Variants in CPQ observed in about 807,000 individuals in gnomAD.
CPQ encodes the protein carboxypeptidase Q.
Under a neutral mutation model 45.7 loss-of-function variants are expected in CPQ, and 37 were observed. The ratio of observed to expected loss-of-function variants is 0.81; its 90% CI spans 0.62 to 1.07. CPQ has a LOEUF of 1.07. Ranked by LOEUF, CPQ falls within the 50% of genes least tolerant of loss-of-function variation. CPQ has a pLI of 0.00. For missense variants in CPQ, 537 were observed against 572.9 expected, an observed-to-expected ratio of 0.94 and a Z score of 0.64; for synonymous variants, 186 against 205.8, an observed-to-expected ratio of 0.90 and a Z score of 0.82.
At chr8:97,118,029 A>T (rs1811625398) in intron 7 of CPQ, among the ~76,000 whole-genome samples, 1 of 152,222 alleles carries the variant, frequency 6.6e-6, no homozygotes, top group Non-Finnish European at 1.5e-5. Context: ...AAAATTAAAT[A>T]AAAGGTCATG....
intron 1 of CPQ, among the ~76,000 whole-genome samples, chr8:96,742,295 A>C (rs563219190): frequency 7.6e-4 from 115 of 152,312 alleles, no homozygotes; most frequent in African/African-American, 2.7e-3. Context: ...CTAGGATTGC[A>C]ACCCCTGCCT....
chr8:96,891,109 T>C (rs577369468), intron 4 of CPQ, among the ~76,000 whole-genome samples: 2 of 152,348 alleles, frequency 1.3e-5, no homozygotes, highest in African/African-American at 4.8e-5. Context: ...GTGAATTCCA[T>C]GAGCATGCAC....
chr8:96,920,695 T>A (rs547942567), intron 4 of CPQ, among the ~76,000 whole-genome samples: 83 of 152,120 alleles, frequency 5.5e-4, no homozygotes, highest in Non-Finnish European at 5.9e-5. Flanking sequence ...TAGGGTGGGG[T>A]CTGCTTCAAT....
intron 7 of CPQ, among the ~76,000 whole-genome samples, chr8:97,100,147 G>A (rs765305288): frequency 1.3e-5 from 2 of 152,230 alleles, no homozygotes; most frequent in Non-Finnish European, 2.9e-5. Context: ...AGTTCCACGA[G>A]AGGCAGCCTT....
In CPQ at chr8:96,906,687, T is replaced by A. The variant is rs549006832; in HGVS notation, c.849+26682T>A. Reference sequence around the variant, plus strand: ...TTTCTCATAGATGGGGCTTTTTTGCTATGTGTCCTCCTGTGGTGGAAGGGG... The same window carrying A: ...TTTCTCATAGATGGGGCTTTTTTGCAATGTGTCCTCCTGTGGTGGAAGGGG... On this transcript the variant is annotated intron_variant, in intron 4 of 7. Coordinates refer to ENST00000220763, the MANE Select transcript of CPQ (RefSeq NM_016134.4). 2.5e-3 allele frequency among the ~76,000 whole-genome samples: 384 copies of A among 152,274 alleles called. 3 individuals are homozygous for A. Among genetic ancestry groups the A allele is most frequent in the African/African-American group, 8.8e-3 (367 of 41,570 alleles).
rs190804551 is a variant in CPQ, at chr8:96,871,931, T to C, written c.642-7867T>C. Among the ~76,000 whole-genome samples, 8 of 152,024 alleles carry C rather than the reference T, an allele frequency of 5.3e-5. No individual in the cohort carries two copies. In the East Asian group the frequency reaches 1.4e-3, roughly 26 times the overall value. On this transcript the variant is annotated intron_variant, in intron 3 of 7. Coordinates refer to ENST00000220763, the MANE Select transcript of CPQ (RefSeq NM_016134.4). ...AATTATTTTTTCTTTTTTTACGATA[T>C]TGGCGATGAGTTTGTTCTCCAAAGC...
At chr8:96,939,634 T>C (rs1586459560) in intron 4 of CPQ, among the ~76,000 whole-genome samples, 1 of 152,226 alleles carries the variant, frequency 6.6e-6, no homozygotes, top group African/African-American at 2.4e-5. Context: ...CATATTGCAG[T>C]GTGCAGCTGT....
At chr8:96,736,676 A>G (rs1809986089) in intron 1 of CPQ, among the ~76,000 whole-genome samples, 1 of 152,192 alleles carries the variant, frequency 6.6e-6, no homozygotes, top group African/African-American at 2.4e-5. Flanking sequence ...TACATGTCAT[A>G]TATTGTGTTA....
intron 1 of CPQ, among the ~76,000 whole-genome samples, chr8:96,746,799 G>A (rs895051708): frequency 6.6e-6 from 1 of 152,208 alleles, no homozygotes; most frequent in Non-Finnish European, 1.5e-5. Context: ...GGATAGGAAA[G>A]ACCTCATTAT....
chr8:96,920,144 G>A (rs745994019), intron 4 of CPQ, among the ~76,000 whole-genome samples: 29 of 152,210 alleles, frequency 1.9e-4, no homozygotes, highest in Non-Finnish European at 3.2e-4. Context: ...AATGCTGAGC[G>A]AATATTTGAT....
chr8:96,656,325 G>T (rs1289307684), intron 1 of CPQ, among the ~76,000 whole-genome samples: 3 of 151,906 alleles, frequency 2.0e-5, no homozygotes, highest in Non-Finnish European at 4.4e-5. Context: ...GGGGCTGCTG[G>T]CTCGGCTCCC....
At chr8:96,736,058 C>T (rs1199605304) in intron 1 of CPQ, among the ~76,000 whole-genome samples, 1 of 151,954 alleles carries the variant, frequency 6.6e-6, no homozygotes, top group Admixed American at 6.6e-5. Flanking sequence ...CACAGGGCTA[C>T]AGGTATCGTT....
At position 96,705,029 on chromosome 8, in the gene CPQ, CAG is replaced by C. The variant is rs1350029380; in HGVS notation, c.-35+59630_-35+59631del. On this transcript the variant is annotated intron_variant, in intron 1 of 7. Transcript: ENST00000220763. Reference sequence around the variant, plus strand: ...GGGGGAGAGTGTAGAGTAACAAAAACAGAGGGCTTCATTCAGGCTAATCTTTG... The same window carrying C: ...GGGGGAGAGTGTAGAGTAACAAAAACAGGGCTTCATTCAGGCTAATCTTTG... Among the ~76,000 whole-genome samples, 4 of 152,180 alleles carry C rather than the reference CAG, an allele frequency of 2.6e-5. No homozygotes were observed. In the East Asian group the frequency reaches 5.8e-4, roughly 22 times the overall value.
intron 5 of CPQ, among the ~76,000 whole-genome samples, chr8:97,028,168 A>G (rs570991693): frequency 5.2e-5 from 8 of 152,388 alleles, no homozygotes; most frequent in African/African-American, 1.9e-4. Context: ...TTATGTTAAC[A>G]TGCTGAAGTA....
chr8:96,719,008 G>T (rs1223127106), intron 1 of CPQ, among the ~76,000 whole-genome samples: 3 of 152,262 alleles, frequency 2.0e-5, no homozygotes, highest in Admixed American at 1.3e-4. Flanking sequence ...AGACTCAGAA[G>T]CCCAGCTGGC....
rs532965685 is a variant in CPQ at position 96,891,858 on chromosome 8, G to A, written c.849+11853G>A. Among the ~76,000 whole-genome samples, 9 of 152,280 alleles carry A rather than the reference G, an allele frequency of 5.9e-5. No homozygotes were observed. The East Asian group carries it at 1.7e-3, about 29-fold the overall frequency. ...TGCTTCTATAGGGGCTCATTTGAGG[G>A]CAACCGTCCTGGTCTAGGAAGCCAA... is the stretch of plus-strand genomic sequence containing the variant. On this transcript the variant is annotated intron_variant, in intron 4 of 7. Transcript: ENST00000220763.
chr8:96,671,040 G>T (rs529553846), intron 1 of CPQ, among the ~76,000 whole-genome samples: 11 of 152,168 alleles, frequency 7.2e-5, no homozygotes, highest in African/African-American at 2.7e-4. Context: ...GGGGAAACTG[G>T]GGAAAGTTTA....
intron 6 of CPQ, 46 bp from the exon 7 acceptor site, chr8:97,065,963 C>T (rs904076778): frequency 6.4e-7 from 1 of 1,567,576 alleles, no homozygotes; most frequent in African/African-American, 1.4e-5. Flanking sequence ...AAGGAGAAAG[C>T]ACTGAAGCAA....
chr8:96,676,698 T>A (rs1474604583), intron 1 of CPQ, among the ~76,000 whole-genome samples: 1 of 152,110 alleles, frequency 6.6e-6, no homozygotes, highest in Non-Finnish European at 1.5e-5. Context: ...TTTCAATAGT[T>A]TTTGGGGTGC....
Sources: allele counts gnomAD v4.1 joint callset (sites outside exome capture counted in the v4.1 genomes callset), GRCh38; gene constraint gnomAD v4.1.1; transcripts MANE v1.5; gene names NCBI Gene and HGNC (gene_info 2026-07-23, HGNC 2026-07-21).